The following KLHL14 variants were observed in gnomAD, a reference collection of about 807,000 sequenced individuals.
KLHL14 encodes the protein kelch like family member 14, also known as kelch-like protein 14.
A neutral mutation model predicts 64.3 loss-of-function variants in KLHL14; 22 were observed. That is an observed-to-expected ratio of 0.34 (90% CI 0.24 to 0.49). KLHL14 has a LOEUF of 0.49. Ranked by LOEUF, KLHL14 falls within the 20% of genes least tolerant of loss-of-function variation. KLHL14 has a pLI of 0.99. For synonymous variants in KLHL14, 322 were observed against 333.4 expected (o/e 0.97, Z 0.37); for missense variants, 661 against 789.0 (o/e 0.84, Z 1.94).
intron 2 of KLHL14, among the ~76,000 whole-genome samples, chr18:32,756,346 T>G (rs543978140): frequency 3.3e-5 from 5 of 152,030 alleles, no homozygotes; most frequent in Non-Finnish European, 7.4e-5. Context: ...CCACCAGAAA[T>G]TGGAGACAAT....
At chr18:32,692,748 T>C (rs1198833720) in intron 4 of KLHL14, among the ~76,000 whole-genome samples, 1 of 152,200 alleles carries the variant, frequency 6.6e-6, no homozygotes, top group African/African-American at 2.4e-5. Flanking sequence ...TGAAATCAGA[T>C]AGACCTAGGT....
intron 4 of KLHL14, among the ~76,000 whole-genome samples, chr18:32,689,504 A>T (rs1473824712): frequency 6.6e-6 from 1 of 152,130 alleles, no homozygotes; most frequent in Non-Finnish European, 1.5e-5. Context: ...AGTGAACCGG[A>T]GGGGATGAAA....
intron 2 of KLHL14, among the ~76,000 whole-genome samples, chr18:32,768,519 CAT>C (rs1025418093): frequency 5.3e-5 from 8 of 151,996 alleles, no homozygotes; most frequent in African/African-American, 1.9e-4. Flanking sequence ...ATTTTCAAAC[CAT>C]GTACTTTGCT....
chr18:32,767,899 G>C (rs2050355037), intron 2 of KLHL14, among the ~76,000 whole-genome samples: 1 of 152,188 alleles, frequency 6.6e-6, no homozygotes. Context: ...AAAAGTATGA[G>C]TAAATGTATG....
At chr18:32,721,441 A>C (rs1197114977) in intron 3 of KLHL14, among the ~76,000 whole-genome samples, 1 of 152,210 alleles carries the variant, frequency 6.6e-6, no homozygotes. Flanking sequence ...GATACAAGAA[A>C]GGAAAAGAGT....
At chr18:32,702,147 C>A (rs985589911) in intron 3 of KLHL14, among the ~76,000 whole-genome samples, 38 of 152,004 alleles carry the variant, frequency 2.5e-4, no homozygotes, top group African/African-American at 8.4e-4. Flanking sequence ...TTAAGGTATT[C>A]TTTTCTAGGA....
intron 3 of KLHL14, chr18:32,734,252 AG>A: frequency 2.8e-6 from 2 of 702,772 alleles, no homozygotes; most frequent in Non-Finnish European, 5.2e-6. Context: ...GTGACTGAGA[AG>A]AAATGATATA....
chr18:32,689,855 A>G (rs1277817588), intron 4 of KLHL14, among the ~76,000 whole-genome samples: 1 of 152,218 alleles, frequency 6.6e-6, no homozygotes, highest in South Asian at 2.1e-4. Flanking sequence ...AAGGCCATCA[A>G]CTGAGAGTGA....
chr18:32,678,752 C>G (rs1194459746), intron 7 of KLHL14, among the ~76,000 whole-genome samples: 1 of 152,084 alleles, frequency 6.6e-6, no homozygotes, highest in African/African-American at 2.4e-5. Flanking sequence ...AAGTGCATAA[C>G]TAGAATCAAA....
At chr18:32,728,238 G>T (rs1206805402) in intron 3 of KLHL14, among the ~76,000 whole-genome samples, 1 of 152,144 alleles carries the variant, frequency 6.6e-6, no homozygotes, top group East Asian at 1.9e-4. Flanking sequence ...GCACTCTGTT[G>T]TTAACTACAG....
At chr18:32,734,884 C>CTG (rs34494954) in intron 3 of KLHL14, among the ~76,000 whole-genome samples, 35,047 of 150,726 alleles carry the variant, frequency 0.23, 4,250 homozygotes, top group Middle Eastern at 0.28. Context: ...AGATGTTACT[C>CTG]TGTGTGTGTG....
chr18:32,727,315 T>C (rs2050112945), intron 3 of KLHL14, among the ~76,000 whole-genome samples: 2 of 152,192 alleles, frequency 1.3e-5, no homozygotes, highest in South Asian at 4.1e-4. Context: ...TATCCATATC[T>C]ATTCAGGCTT....
Position 32,768,181 on chromosome 18 carries a change from A to G in KLHL14, c.947+1464T>C, listed in dbSNP as rs151309782. Among the ~76,000 whole-genome samples the G allele has an allele frequency of 8.2e-3, 1,250 of 152,076 alleles. 16 individuals are homozygous for G. Among genetic ancestry groups the G allele is most frequent in the African/African-American group, 0.028 (1,163 of 41,494 alleles). On this transcript the variant is annotated intron_variant, in intron 2 of 8. Coordinates refer to ENST00000359358, the MANE Select transcript of KLHL14 (RefSeq NM_020805.3). Reference sequence around the variant, plus strand: ...GGGGATTTGGATTCTTGTTTCTTCTATTGTCCTATTATCATCTTTTGACAA... The same window carrying G: ...GGGGATTTGGATTCTTGTTTCTTCTGTTGTCCTATTATCATCTTTTGACAA...
intron 3 of KLHL14, among the ~76,000 whole-genome samples, chr18:32,703,668 T>C (rs2049976752): frequency 6.6e-6 from 1 of 152,242 alleles, no homozygotes; most frequent in African/African-American, 2.4e-5. Context: ...TGATTTCACA[T>C]TGGACTTCTA....
intron 3 of KLHL14, chr18:32,737,902 C>T (rs973020301): frequency 6.6e-6 from 1 of 152,102 alleles, no homozygotes; most frequent in African/African-American, 2.4e-5. Flanking sequence ...AGAAGGAACA[C>T]GACTTTCTAC....
intron 3 of KLHL14, among the ~76,000 whole-genome samples, chr18:32,707,798 C>T (rs2049997988): frequency 6.6e-6 from 1 of 152,186 alleles, no homozygotes; most frequent in Admixed American, 6.5e-5. Context: ...CCCTGTGTGC[C>T]TTTAACCTTT....
At chr18:32,728,302 T>G (rs181798221) in intron 3 of KLHL14, among the ~76,000 whole-genome samples, 3 of 152,322 alleles carry the variant, frequency 2.0e-5, no homozygotes, top group African/African-American at 7.2e-5. Flanking sequence ...GGTACACATT[T>G]TGGCTCTGCC....
chr18:32,695,982 T>C (rs1448553733), intron 3 of KLHL14, among the ~76,000 whole-genome samples: 1 of 152,162 alleles, frequency 6.6e-6, no homozygotes, highest in Non-Finnish European at 1.5e-5. Context: ...CGTGGTTTGC[T>C]GGCAATCTTT....
At chr18:32,768,897 C>A (rs895295666) in intron 2 of KLHL14, among the ~76,000 whole-genome samples, 2 of 152,204 alleles carry the variant, frequency 1.3e-5, no homozygotes, top group Non-Finnish European at 2.9e-5. Flanking sequence ...CTCCACTCCT[C>A]CATCCCAATT....
Sources: gnomAD v4.1 joint callset for allele counts (sites outside exome capture counted in the v4.1 genomes callset) on GRCh38, gnomAD v4.1.1 for gene constraint, MANE v1.5 for transcripts, NCBI Gene and HGNC (gene_info 2026-07-23, HGNC 2026-07-21) for gene names.